Variants in HTR5A observed in about 807,000 individuals in gnomAD.
The protein encoded by HTR5A is 5-hydroxytryptamine receptor 5A, also known as 5-HT-5.
In HTR5A, 21 loss-of-function variants were observed where a neutral mutation model predicts 24.3. That is an observed-to-expected ratio of 0.86 (90% CI 0.61 to 1.24). The LOEUF is 1.24. Among genes scored for constraint, HTR5A ranks in the 50% most tolerant of loss-of-function variants. HTR5A has a pLI of 0.00. For synonymous variants in HTR5A, 260 were observed against 213.7 expected (o/e 1.22, Z -1.89); for missense variants, 497 against 489.5 (o/e 1.02, Z -0.15).
At chr7:155,080,491 C>T (rs1449950478) in intron 1 of HTR5A, among the ~76,000 whole-genome samples, 3 of 152,206 alleles carry the variant, frequency 2.0e-5, no homozygotes, top group Admixed American at 2.0e-4. Flanking sequence ...CCAGTGAATG[C>T]ACTTGTGGCC....
intron 1 of HTR5A, among the ~76,000 whole-genome samples, chr7:155,073,840 C>CACACAT (rs1238859814): frequency 2.4e-5 from 3 of 125,340 alleles, no homozygotes; most frequent in East Asian, 2.1e-4. Flanking sequence ...TACACACACA[C>CACACAT]ATATATATAC....
Position 155,086,209 on chromosome 7 carries a change from T to G in HTR5A, c.*1722T>G, listed in dbSNP as rs1035869634. On this transcript the variant is annotated 3_prime_UTR_variant, in exon 2 of 2. Transcript: ENST00000287907. The stretch of plus-strand genomic sequence containing the variant: ...TGTTTGAATAAGGGAAGGGAAGTGT[T>G]TGAAAAACCTTATTAAGTACCCCAT... Among the ~76,000 whole-genome samples the G allele has an allele frequency of 1.3e-5, 2 of 152,196 alleles. No homozygotes were observed. Among genetic ancestry groups the G allele is most frequent in the African/African-American group, 4.8e-5 (2 of 41,444 alleles).
At chr7:155,073,025 G>A (rs534471061) in intron 1 of HTR5A, among the ~76,000 whole-genome samples, 42 of 152,218 alleles carry the variant, frequency 2.8e-4, no homozygotes, top group African/African-American at 8.2e-4. Context: ...CATTTTGGAT[G>A]ATTAAGAATT....
Position 155,084,258 on chromosome 7 carries a change from G to A in HTR5A, c.845G>A (p.Arg282Gln), listed in dbSNP as rs202028626. Residue 282 changes from arginine (R) to glutamine (Q), a missense_variant, in exon 2 of 2, where the codon CGG becomes CAG. Arg to Gln is a conservative substitution (Grantham distance 43, BLOSUM62 1). Coordinates refer to ENST00000287907, the MANE Select transcript of HTR5A (RefSeq NM_024012.4). ...ACGTGGCGGGAGCAGAAGGAGCAGC[G>A]GGCCGCCCTCATGGTGGGCATCCTC... Reference protein sequence around the residue: ...GDTWREQKEQRAALMVGILIG... With the variant: ...GDTWREQKEQQAALMVGILIG... The A allele has an allele frequency of 3.8e-5, 61 of 1,614,102 alleles. No individual in the cohort carries two copies. Among genetic ancestry groups the A allele is most frequent in the East Asian group, 4.5e-5 (2 of 44,872 alleles).
intron 1 of HTR5A, among the ~76,000 whole-genome samples, chr7:155,081,852 G>T (rs1293878062): frequency 1.3e-5 from 2 of 152,196 alleles, no homozygotes; most frequent in Admixed American, 1.3e-4. Flanking sequence ...TTTTAAATCA[G>T]TGTCACTCTT....
chr7:155,078,962 C>G (rs1795387469), intron 1 of HTR5A, among the ~76,000 whole-genome samples: 1 of 143,474 alleles, frequency 7.0e-6, no homozygotes, highest in Non-Finnish European at 1.5e-5. Flanking sequence ...CTTTTCTTTT[C>G]TTTCTTTTTT....
rs1262205548 is a variant in HTR5A, at chr7:155,086,086, C to T, written c.*1599C>T. 1.3e-5 allele frequency among the ~76,000 whole-genome samples: 2 copies of T among 152,178 alleles called. No individual in the cohort carries two copies. Among genetic ancestry groups the T allele is most frequent in the Non-Finnish European group, 2.9e-5 (2 of 68,028 alleles). ...GCTAAACCCACAAGTATTTAAAATA[C>T]AGACTCTTCACTTACTCAAGTTACT... On this transcript the variant is annotated 3_prime_UTR_variant, in exon 2 of 2. Coordinates refer to ENST00000287907, the MANE Select transcript of HTR5A (RefSeq NM_024012.4).
chr7:155,071,544 G>T lies in HTR5A; in HGVS notation c.645G>T (p.Val215=). ...GCGCCTTCTACCTGCCGCTCTGTGT[G>T]GTGCTCTTCGTGTACTGGAAGATCT... ...TVGAFYLPLC[V]VLFVYWKIYK... Residue 215 remains valine (V), a synonymous_variant, in exon 1 of 2, where the codon GTG becomes GTT. Coordinates refer to ENST00000287907, the MANE Select transcript of HTR5A (RefSeq NM_024012.4). 6.2e-7 allele frequency: 1 copy of T among 1,614,190 alleles called. No individual in the cohort carries two copies. Among genetic ancestry groups the T allele is most frequent in the Non-Finnish European group, 8.5e-7 (1 of 1,180,050 alleles).
intron 1 of HTR5A, among the ~76,000 whole-genome samples, chr7:155,072,264 C>G (rs1795305784): frequency 1.3e-5 from 2 of 152,184 alleles, no homozygotes; most frequent in Admixed American, 1.3e-4. Context: ...AGTCCCGGAG[C>G]CTGCATTTGT....
intron 1 of HTR5A, among the ~76,000 whole-genome samples, chr7:155,073,645 T>C (rs1035902361): frequency 6.6e-5 from 10 of 151,608 alleles, no homozygotes; most frequent in Non-Finnish European, 1.3e-4. Context: ...TGAATCTTCC[T>C]CTCCCCTGAT....
chr7:155,079,267 A>T (rs766457570), intron 1 of HTR5A, among the ~76,000 whole-genome samples: 4 of 152,180 alleles, frequency 2.6e-5, no homozygotes, highest in Non-Finnish European at 4.4e-5. Context: ...AAATTTCTTA[A>T]TTATAGCTCT....
At chr7:155,079,993 G>T (rs1011206220) in intron 1 of HTR5A, among the ~76,000 whole-genome samples, 2 of 152,188 alleles carry the variant, frequency 1.3e-5, no homozygotes, top group Non-Finnish European at 2.9e-5. Context: ...CCTAATAATG[G>T]TCTTCAAATC....
intron 1 of HTR5A, chr7:155,074,542 G>A (rs925054750): frequency 3.3e-5 from 5 of 152,100 alleles, no homozygotes; most frequent in African/African-American, 1.2e-4. Context: ...TTACTGAAAT[G>A]AGTCCATCTC....
At chr7:155,073,877 G>GTATATATATGTA (rs1563419508) in intron 1 of HTR5A, among the ~76,000 whole-genome samples, 6 of 8,008 alleles carry the variant, frequency 7.5e-4, no homozygotes, top group African/African-American at 9.4e-4. Flanking sequence ...ATATATATAT[G>GTATATATATGTA]TATATATATA....
intron 1 of HTR5A, among the ~76,000 whole-genome samples, chr7:155,082,556 T>TCC (rs1795430114): frequency 6.6e-6 from 1 of 152,198 alleles, no homozygotes; most frequent in Non-Finnish European, 1.5e-5. Context: ...GTTACCAGTG[T>TCC]CCCCATTGTC....
At chr7:155,079,571 ATATCT>A (rs1369918402) in intron 1 of HTR5A, among the ~76,000 whole-genome samples, 2 of 152,236 alleles carry the variant, frequency 1.3e-5, no homozygotes, top group African/African-American at 2.4e-5. Flanking sequence ...CTTCTCTTAA[ATATCT>A]TAACTCACTA....
intron 1 of HTR5A, among the ~76,000 whole-genome samples, chr7:155,079,499 A>G (rs946840335): frequency 1.3e-5 from 2 of 152,208 alleles, no homozygotes; most frequent in African/African-American, 4.8e-5. Flanking sequence ...TAAGGACTCA[A>G]AATACCAATT....
intron 1 of HTR5A, among the ~76,000 whole-genome samples, chr7:155,075,043 G>A (rs763652099): frequency 1.9e-4 from 29 of 152,156 alleles, no homozygotes; most frequent in Non-Finnish European, 3.7e-4. Flanking sequence ...GACCTTATAT[G>A]AGAACATACT....
At chr7:155,084,046 A>G in intron 1 of HTR5A, 109 bp from the exon 2 acceptor site, 1 of 870,808 alleles carries the variant, frequency 1.1e-6, no homozygotes, top group Non-Finnish European at 1.7e-6. Flanking sequence ...TATCCATCGA[A>G]GACTTTCCCT....
Sources: allele counts gnomAD v4.1 joint callset (sites outside exome capture counted in the v4.1 genomes callset), GRCh38; gene constraint gnomAD v4.1.1; transcripts MANE v1.5; gene names NCBI Gene and HGNC (gene_info 2026-07-23, HGNC 2026-07-21).